The following CNDP1 variants were observed in gnomAD, a reference collection of about 807,000 sequenced individuals.
The protein encoded by CNDP1 is carnosine dipeptidase 1, also known as beta-Ala-His dipeptidase.
In CNDP1, 44 loss-of-function variants were observed where a neutral mutation model predicts 58.1. That is an observed-to-expected ratio of 0.76 (90% CI 0.60 to 0.97). CNDP1 has a LOEUF of 0.97. CNDP1 is among the 50% of genes least tolerant of loss of function. The probability of loss-of-function intolerance (pLI) is 0.00; values close to 1 mark genes in which losing one functional copy is unlikely to be tolerated. For synonymous variants in CNDP1, 254 were observed against 252.6 expected, an observed-to-expected ratio of 1.01 and a Z score of -0.05; for missense variants, 616 against 655.1, an observed-to-expected ratio of 0.94 and a Z score of 0.65.
intron 1 of CNDP1, among the ~76,000 whole-genome samples, chr18:74,547,703 G>C (rs1323083902): frequency 6.6e-6 from 1 of 152,230 alleles, no homozygotes; most frequent in African/African-American, 2.4e-5. Flanking sequence ...TCTGCTGGAA[G>C]CTCAGGCAGC....
chr18:74,570,639 C>T (rs1981455256), intron 6 of CNDP1, among the ~76,000 whole-genome samples: 1 of 152,110 alleles, frequency 6.6e-6, no homozygotes. Context: ...TCACTTATGT[C>T]AAGGGTGCCA....
At chr18:74,578,431 A>AT (rs972167751) in intron 9 of CNDP1, 104 bp downstream of exon 9, 23 of 1,143,064 alleles carry the variant, frequency 2.0e-5, no homozygotes, top group Admixed American at 2.3e-5. Flanking sequence ...TTGGAGTATC[A>AT]TTTTTTTCCA....
intron 8 of CNDP1, chr18:74,577,361 C>T: frequency 1.1e-5 from 2 of 179,662 alleles, no homozygotes; most frequent in Non-Finnish European, 2.3e-5. Flanking sequence ...TTTCAAAGAC[C>T]AAGAAAAGTC....
intron 7 of CNDP1, chr18:74,576,584 C>T (rs1981642229): frequency 2.9e-6 from 1 of 342,660 alleles, no homozygotes. Context: ...ATGCAGGTAA[C>T]TCACTCCGAC....
Position 74,583,567 on chromosome 18 carries a change from G to A in CNDP1, c.1316G>A (p.Gly439Glu), listed in dbSNP as rs138115145. 3.7e-6 allele frequency: 6 copies of A among 1,613,888 alleles called. No individual in the cohort carries two copies. Among genetic ancestry groups the A allele is most frequent in the Non-Finnish European group, 5.1e-6 (6 of 1,179,946 alleles). The change falls in exon 11 of 12, where the codon GGA (glycine) becomes GAA (glutamate). Residue 439 changes from glycine (G) to glutamate (E), a missense_variant. Gly to Glu is a moderately conservative substitution (Grantham distance 98). Transcript: ENST00000358821. ...CCTTCTTTTCCTGTCTCAGTGTTTGGAACAGAACCAGATATGATCCGGGAT... is the reference window on the plus strand; with the variant it reads ...CCTTCTTTTCCTGTCTCAGTGTTTGAAACAGAACCAGATATGATCCGGGAT... ...AAKRAIRTVF[G>E]TEPDMIRDGS... is the part of the protein sequence containing the mutation.
chr18:74,576,339 A>T (rs1351576044), intron 7 of CNDP1: 1 of 151,728 alleles, frequency 6.6e-6, no homozygotes, highest in East Asian at 1.9e-4. Flanking sequence ...TAATTTTTGT[A>T]TTTTTTGTAG....
intron 1 of CNDP1, among the ~76,000 whole-genome samples, chr18:74,547,518 T>C (rs556195950): frequency 6.6e-6 from 1 of 152,372 alleles, no homozygotes; most frequent in East Asian, 1.9e-4. Flanking sequence ...ACAGCACCCC[T>C]GCTCCATCCT....
At chr18:74,535,374 C>A (rs141246879) in intron 1 of CNDP1, among the ~76,000 whole-genome samples, 2,346 of 152,302 alleles carry the variant, frequency 0.015, 23 homozygotes, top group South Asian at 0.031. Context: ...ACGTAGAAGA[C>A]TCTCAAAAGA....
intron 1 of CNDP1, among the ~76,000 whole-genome samples, chr18:74,552,948 G>T (rs1980946995): frequency 6.6e-6 from 1 of 152,224 alleles, no homozygotes; most frequent in South Asian, 2.1e-4. Context: ...AAACTCATTA[G>T]TGTCTGGCTT....
intron 1 of CNDP1, among the ~76,000 whole-genome samples, chr18:74,541,356 G>A (rs1288164773): frequency 2.0e-5 from 3 of 152,192 alleles, no homozygotes; most frequent in Non-Finnish European, 4.4e-5. Context: ...TGTCATCTGC[G>A]GCTCACCAGA....
In CNDP1 at chr18:74,559,312, C is replaced by T. The variant is rs1266852367; in HGVS notation, c.154-11C>T. 2 of 1,614,034 alleles carry T rather than the reference C, an allele frequency of 1.2e-6. No homozygotes were observed. Among genetic ancestry groups the T allele is most frequent in the Non-Finnish European group, 1.7e-6 (2 of 1,179,982 alleles). On this transcript the variant is annotated splice_polypyrimidine_tract_variant and intron_variant, in intron 2 of 11. Transcript: ENST00000358821. ...CCCCAATGCTAATGGCCTGCTTGCT[C>T]TTCCTCCTAGACGCTGAAGGAGTGG...
At chr18:74,552,778 C>T (rs978003509) in intron 1 of CNDP1, among the ~76,000 whole-genome samples, 4 of 152,208 alleles carry the variant, frequency 2.6e-5, no homozygotes, top group Non-Finnish European at 5.9e-5. Context: ...TATGTTTTCA[C>T]TTGTCTTGGA....
At chr18:74,541,253 A>G (rs1187548624) in intron 1 of CNDP1, among the ~76,000 whole-genome samples, 1 of 152,222 alleles carries the variant, frequency 6.6e-6, no homozygotes, top group Non-Finnish European at 1.5e-5. Flanking sequence ...GGCACCGTTT[A>G]GCTGCCACAG....
intron 2 of CNDP1, 66 bp downstream of exon 2, chr18:74,556,532 A>T: frequency 6.3e-7 from 1 of 1,588,276 alleles, no homozygotes; most frequent in Non-Finnish European, 8.6e-7. Flanking sequence ...TATTTGGGTG[A>T]GACAATTATT....
At chr18:74,554,686 G>T (rs1449007550) in intron 1 of CNDP1, among the ~76,000 whole-genome samples, 1 of 152,186 alleles carries the variant, frequency 6.6e-6, no homozygotes, top group Non-Finnish European at 1.5e-5. Context: ...AAGGGAGGAG[G>T]TCTGGTGGGA....
intron 8 of CNDP1, chr18:74,577,599 C>T (rs1329332257): frequency 1.3e-5 from 2 of 152,568 alleles, no homozygotes; most frequent in African/African-American, 4.8e-5. Context: ...GGGCTGGTTC[C>T]TGGGGAAGGG....
intron 1 of CNDP1, among the ~76,000 whole-genome samples, chr18:74,542,846 A>G (rs1302696080): frequency 3.9e-5 from 6 of 152,198 alleles, no homozygotes; most frequent in Admixed American, 3.3e-4. Context: ...GAGAACTGTA[A>G]GCCACCAGTT....
At chr18:74,572,790 C>CAAAAAAAAAAAAAAAAAAAAAAAAAAA (rs56059264) in intron 7 of CNDP1, among the ~76,000 whole-genome samples, 9 of 60,060 alleles carry the variant, frequency 1.5e-4, no homozygotes, top group Admixed American at 4.1e-4. Context: ...GACCCTGTAT[C>CAAAAAAAAAAAAAAAAAAAAAAAAAAA]AAAAAAAAAA....
chr18:74,583,049 C>T (rs182086435), intron 10 of CNDP1, among the ~76,000 whole-genome samples: 3 of 152,300 alleles, frequency 2.0e-5, no homozygotes, highest in East Asian at 3.9e-4. Flanking sequence ...CTCTGTCACC[C>T]GGGCCTGAGT....
Sources: allele counts gnomAD v4.1 joint callset (sites outside exome capture counted in the v4.1 genomes callset), GRCh38; gene constraint gnomAD v4.1.1; transcripts MANE v1.5; gene names NCBI Gene and HGNC (gene_info 2026-07-23, HGNC 2026-07-21).